Variants in KIAA0825 observed in about 807,000 individuals in gnomAD.
KIAA0825 encodes the protein KIAA0825.
A neutral mutation model predicts 147.6 loss-of-function variants in KIAA0825; 119 were observed. The ratio of observed to expected loss-of-function variants is 0.81; its 90% CI spans 0.69 to 0.94. KIAA0825 has a LOEUF of 0.94. Among genes scored for constraint, KIAA0825 ranks in the 40% least tolerant of loss-of-function variants. The pLI is 0.00. For synonymous variants in KIAA0825, 470 were observed against 518.1 expected (o/e 0.91, Z 1.26); for missense variants, 1,381 against 1,472.7 (o/e 0.94, Z 1.02).
chr5:94,275,216 A>C (rs1002282538), intron 20 of KIAA0825, among the ~76,000 whole-genome samples: 2 of 152,186 alleles, frequency 1.3e-5, no homozygotes, highest in African/African-American at 4.8e-5. Context: ...ATCTAGATAT[A>C]CAGATATAAC....
At chr5:94,386,656 T>C (rs1015852833) in intron 18 of KIAA0825, among the ~76,000 whole-genome samples, 2 of 152,208 alleles carry the variant, frequency 1.3e-5, no homozygotes, top group Non-Finnish European at 2.9e-5. Context: ...TCTTATATAA[T>C]GAATATATGT....
chr5:94,443,810 T>C (rs1757407427), intron 13 of KIAA0825, among the ~76,000 whole-genome samples: 1 of 152,204 alleles, frequency 6.6e-6, no homozygotes, highest in Non-Finnish European at 1.5e-5. Context: ...AGGTAAGGCT[T>C]GGGCCAAGAG....
intron 11 of KIAA0825, among the ~76,000 whole-genome samples, 168 bp downstream of exon 11, chr5:94,464,701 G>T (rs1056841964): frequency 6.6e-6 from 1 of 152,124 alleles, no homozygotes; most frequent in Non-Finnish European, 1.5e-5. Flanking sequence ...TTTGAATCAG[G>T]TTTCATATTT....
At chr5:94,189,609 C>G (rs938834383) in intron 20 of KIAA0825, among the ~76,000 whole-genome samples, 1 of 152,004 alleles carries the variant, frequency 6.6e-6, no homozygotes, top group Non-Finnish European at 1.5e-5. Flanking sequence ...TTTCTAGACT[C>G]TTTATTAAGA....
At chr5:94,503,214 A>C (rs1017884479) in intron 5 of KIAA0825, among the ~76,000 whole-genome samples, 5 of 152,076 alleles carry the variant, frequency 3.3e-5, no homozygotes, top group African/African-American at 1.2e-4. Flanking sequence ...CTGTTCCCAC[A>C]ATGTAAATCT....
At chr5:94,383,542 T>G (rs1238622418) in intron 20 of KIAA0825, among the ~76,000 whole-genome samples, 2 of 152,180 alleles carry the variant, frequency 1.3e-5, no homozygotes, top group African/African-American at 2.4e-5. Context: ...AACTTAGCTA[T>G]AAGCACACAG....
chr5:94,383,787 C>CTGTGTGTGTGTGTG (rs6149118), intron 20 of KIAA0825, among the ~76,000 whole-genome samples: 2 of 145,352 alleles, frequency 1.4e-5, no homozygotes, highest in East Asian at 2.0e-4. Context: ...TTATACTGCT[C>CTGTGTGTGTGTGTG]TGTGTGTGTG....
intron 5 of KIAA0825, among the ~76,000 whole-genome samples, chr5:94,512,820 T>A (rs1359651422): frequency 6.6e-6 from 1 of 151,958 alleles, no homozygotes; most frequent in Non-Finnish European, 1.5e-5. Context: ...CGCTTTTACC[T>A]GGGAGGCGAA....
intron 20 of KIAA0825, among the ~76,000 whole-genome samples, chr5:94,303,047 A>G (rs1778503808): frequency 6.6e-6 from 1 of 152,036 alleles, no homozygotes; most frequent in African/African-American, 2.4e-5. Flanking sequence ...CATAAGTCCA[A>G]CCAACACACA....
intron 20 of KIAA0825, among the ~76,000 whole-genome samples, chr5:94,223,609 G>A (rs892457825): frequency 1.4e-4 from 22 of 152,198 alleles, no homozygotes; most frequent in African/African-American, 5.1e-4. Context: ...CTTACAAACA[G>A]TGTTTTAAGT....
intron 20 of KIAA0825, among the ~76,000 whole-genome samples, chr5:94,340,362 A>G (rs531145447): frequency 3.9e-5 from 6 of 152,176 alleles, no homozygotes; most frequent in African/African-American, 1.2e-4. Flanking sequence ...TTGGGGGGGA[A>G]TATTTTCAAT....
intron 18 of KIAA0825, among the ~76,000 whole-genome samples, chr5:94,388,337 C>A (rs1055242180): frequency 6.6e-6 from 1 of 151,956 alleles, no homozygotes; most frequent in Admixed American, 6.6e-5. Flanking sequence ...GGTCTGTGGC[C>A]CGGGGGTTGG....
intron 5 of KIAA0825, among the ~76,000 whole-genome samples, chr5:94,504,042 C>T (rs1283906912): frequency 6.6e-6 from 1 of 152,092 alleles, no homozygotes; most frequent in South Asian, 2.1e-4. Flanking sequence ...GGGCTCAATT[C>T]GATTAGCTTA....
chr5:94,586,266 A>T (rs572696033), intron 1 of KIAA0825, among the ~76,000 whole-genome samples: 3 of 152,330 alleles, frequency 2.0e-5, no homozygotes, highest in African/African-American at 7.2e-5. Context: ...GTTTTCTAAA[A>T]GATCAACAAA....
chr5:94,323,722 A>T (rs928816698), intron 20 of KIAA0825, among the ~76,000 whole-genome samples: 7 of 152,072 alleles, frequency 4.6e-5, no homozygotes, highest in South Asian at 4.1e-4. Context: ...GAAAGTGTCT[A>T]ATGGCATCCT....
At chr5:94,266,875 A>G (rs1425223277) in intron 20 of KIAA0825, among the ~76,000 whole-genome samples, 4 of 152,228 alleles carry the variant, frequency 2.6e-5, no homozygotes, top group African/African-American at 7.2e-5. Flanking sequence ...CATAAACAAA[A>G]GTTCTCTGGG....
chr5:94,549,954 A>C (rs1775196039), intron 2 of KIAA0825, among the ~76,000 whole-genome samples: 1 of 152,182 alleles, frequency 6.6e-6, no homozygotes, highest in South Asian at 2.1e-4. Context: ...AGAAAACAAT[A>C]GAAAAGATCA....
chr5:94,259,442 C>T lies in KIAA0825; in HGVS notation c.3711-105318G>A, dbSNP rs923741714. On this transcript the variant is annotated intron_variant, in intron 20 of 20. Coordinates refer to ENST00000682413, the MANE Select transcript of KIAA0825 (RefSeq NM_001145678.3). Reference sequence around the variant, plus strand: ...CCCTCAGTAAGAATGTAAAATAACTCATGAAACACACAGTGTATTGTGTAA... The same window carrying T: ...CCCTCAGTAAGAATGTAAAATAACTTATGAAACACACAGTGTATTGTGTAA... Among the ~76,000 whole-genome samples, 11 of 152,080 alleles carry T rather than the reference C, an allele frequency of 7.2e-5. No individual in the cohort carries two copies. The East Asian group carries it at 1.4e-3, about 19-fold the overall frequency.
At chr5:94,433,420 C>G (rs1231554556) in intron 14 of KIAA0825, among the ~76,000 whole-genome samples, 1 of 152,134 alleles carries the variant, frequency 6.6e-6, no homozygotes, top group Non-Finnish European at 1.5e-5. Flanking sequence ...TCTTTAGGCA[C>G]TTTGTCATGA....
Sources: gnomAD v4.1 joint callset for allele counts (sites outside exome capture counted in the v4.1 genomes callset) on GRCh38, gnomAD v4.1.1 for gene constraint, MANE v1.5 for transcripts, NCBI Gene and HGNC (gene_info 2026-07-23, HGNC 2026-07-21) for gene names.